The following DCUN1D5 variants were observed in gnomAD, a reference collection of about 807,000 sequenced individuals.
The protein encoded by DCUN1D5 is DCN1-like protein 5.
Under a neutral mutation model 38.3 loss-of-function variants are expected in DCUN1D5, and 10 were observed. The observed-to-expected ratio is 0.26, with a 90% CI of 0.16 to 0.44. DCUN1D5 has a LOEUF of 0.44. Among genes scored for constraint, DCUN1D5 ranks in the 20% least tolerant of loss-of-function variants. The pLI, the probability that DCUN1D5 is intolerant of heterozygous loss-of-function variation, is 1.00. For missense variants in DCUN1D5, 148 were observed against 275.3 expected, an observed-to-expected ratio of 0.54 and a Z score of 3.27; for synonymous variants, 93 against 90.9, an observed-to-expected ratio of 1.02 and a Z score of -0.13.
At position 103,061,070 on chromosome 11, in the gene DCUN1D5, T is replaced by C. The variant is rs187608197; in HGVS notation, c.*1289A>G. ...GGCAATCATTTTTTTCCCAGCTGAT[T>C]AACTAAAAAGCAAACAATAAAACAC... On this transcript the variant is annotated 3_prime_UTR_variant, in exon 8 of 8. Coordinates refer to ENST00000260247, the MANE Select transcript of DCUN1D5 (RefSeq NM_032299.4). Among the ~76,000 whole-genome samples the C allele has an allele frequency of 6.6e-6, 1 of 152,254 alleles. No homozygotes were observed. The highest frequency in any genetic ancestry group is 2.4e-5 in the African/African-American group (1 of 41,558).
rs762571093 is a variant in DCUN1D5 at position 103,051,309 on chromosome 11, A to G, written c.*11050T>C. The G allele has an allele frequency of 7.2e-5, 11 of 152,322 alleles. No individual in the cohort carries two copies. The highest frequency in any genetic ancestry group is 2.1e-4 in the South Asian group (1 of 4,830). The allele number at this position is 152,322 out of a possible 1,614,324, so 9.4% of individuals were successfully genotyped here. On this transcript the variant is annotated 3_prime_UTR_variant, in exon 8 of 8. Coordinates refer to ENST00000260247, the MANE Select transcript of DCUN1D5 (RefSeq NM_032299.4). The stretch of plus-strand genomic sequence containing the variant: ...ACAAATGAACCATCCATCCTTCAGG[A>G]AACTTTTTTAAAAAAAGATTTTCTG...
At position 103,056,517 on chromosome 11, in the gene DCUN1D5, C is replaced by T. The variant is rs114460311; in HGVS notation, c.*5842G>A. Among the ~76,000 whole-genome samples the T allele has an allele frequency of 7.4e-3, 1,131 of 152,252 alleles. 12 individuals carry two copies. The highest frequency in any genetic ancestry group is 0.025 in the African/African-American group (1,049 of 41,550). On this transcript the variant is annotated 3_prime_UTR_variant, in exon 8 of 8. Transcript: ENST00000260247. This position sits in a 1 kb window ranked among gnomAD's most constrained non-coding sequence, Gnocchi z 4.9. ...TGCTACTTAATAGTAATCCTATCCT[C>T]ACACACTCTCTGGGCCCCTTCCTCA...
rs1338928782 is a variant in DCUN1D5 at position 103,078,923 on chromosome 11, C to G, written c.341+3825G>C. On this transcript the variant is annotated intron_variant, in intron 4 of 7. Transcript: ENST00000260247. This position sits in a 1 kb window ranked among gnomAD's most constrained non-coding sequence, Gnocchi z 4.6. ...TTTCATAGTATCTTGTATTTCCACT[C>G]TAGCACATGTCACGTTCTCCTTGGT... Among the ~76,000 whole-genome samples the G allele has an allele frequency of 1.3e-5, 2 of 152,196 alleles. No individual in the cohort carries two copies. The highest frequency in any genetic ancestry group is 2.4e-5 in the African/African-American group (1 of 41,436).
Position 103,054,117 on chromosome 11 carries a change from C to T in DCUN1D5, c.*8242G>A, listed in dbSNP as rs1001026634. The T allele has an allele frequency of 6.6e-6, 1 of 152,176 alleles. No homozygotes were observed. The highest frequency in any genetic ancestry group is 2.1e-4 in the South Asian group (1 of 4,822). The allele number at this position is 152,176 out of a possible 1,614,324, so 9.4% of individuals were successfully genotyped here. A position where few individuals can be genotyped will look rare whatever the true frequency, so the allele number is the denominator to read the frequency against. On this transcript the variant is annotated 3_prime_UTR_variant, in exon 8 of 8. Transcript: ENST00000260247. Reference sequence around the variant, plus strand: ...TTTCATGTCAAACTTCTCAAACTGACGTAAGCCAGATAGAGAGAACCTCCC... The same window carrying T: ...TTTCATGTCAAACTTCTCAAACTGATGTAAGCCAGATAGAGAGAACCTCCC...
In DCUN1D5 at chr11:103,062,282, AT is replaced by A. The variant is rs567049158; in HGVS notation, c.*76del. 2.4e-4 allele frequency: 339 copies of A among 1,413,794 alleles called. No homozygotes were observed. In the East Asian group the frequency reaches 4.3e-3, roughly 18 times the overall value. The allele number at this position is 1,413,794 out of a possible 1,614,324, so 87.6% of individuals were successfully genotyped here. On this transcript the variant is annotated 3_prime_UTR_variant, in exon 8 of 8. Coordinates refer to ENST00000260247, the MANE Select transcript of DCUN1D5 (RefSeq NM_032299.4). This position sits in a 1 kb window ranked among gnomAD's most constrained non-coding sequence, Gnocchi z 4.6. The stretch of plus-strand genomic sequence containing the variant: ...ATATGAATGAAAATGCACCCGTTGG[AT>A]TTTTTTCCCCCTCATCACATTAGCT...
intron 2 of DCUN1D5, among the ~76,000 whole-genome samples, chr11:103,084,982 C>T (rs1426797759): frequency 2.0e-5 from 3 of 150,970 alleles, no homozygotes; most frequent in African/African-American, 7.3e-5. Context: ...AAGGCCCTGT[C>T]TCAAAAAAAA....
At chr11:103,085,214 T>C (rs939729128) in intron 2 of DCUN1D5, among the ~76,000 whole-genome samples, 2 of 152,214 alleles carry the variant, frequency 1.3e-5, no homozygotes, top group East Asian at 1.9e-4. Context: ...CCGAGGCAGA[T>C]GGATTACGAG....
rs1032729306 is a variant in DCUN1D5 at position 103,086,503 on chromosome 11, G to C, written c.178+2724C>G. ...CTCTGCACAAAGTGGTCTCCACAGA[G>C]AGGCCTTCCCTAATCACTCTATCTG... On this transcript the variant is annotated intron_variant, in intron 2 of 7. Transcript: ENST00000260247. This position sits in a 1 kb window ranked among gnomAD's most constrained non-coding sequence, Gnocchi z 4.1. Among the ~76,000 whole-genome samples, 19 of 152,138 alleles carry C rather than the reference G, an allele frequency of 1.2e-4. No individual in the cohort carries two copies. The highest frequency in any genetic ancestry group is 2.5e-4 in the Non-Finnish European group (17 of 68,006).
intron 4 of DCUN1D5, among the ~76,000 whole-genome samples, chr11:103,076,668 C>T (rs990980607): frequency 3.3e-5 from 5 of 152,194 alleles, no homozygotes; most frequent in Admixed American, 6.5e-5. Context: ...TAACCTTTTT[C>T]AGCCTCAGTT....
chr11:103,060,743 T>C lies in DCUN1D5; in HGVS notation c.*1616A>G, dbSNP rs1861991880. ...GATTTTGCTTATATGTTTTGGAATT[T>C]AACAAAAGTGGATATGTTCTTCAGT... On this transcript the variant is annotated 3_prime_UTR_variant, in exon 8 of 8. Transcript: ENST00000260247. Among the ~76,000 whole-genome samples the C allele has an allele frequency of 6.6e-6, 1 of 152,196 alleles. No individual in the cohort carries two copies. Among genetic ancestry groups the C allele is most frequent in the South Asian group, 2.1e-4 (1 of 4,834 alleles).
At chr11:103,074,343 T>TATCGTATCTAAGG (rs1862354628) in intron 4 of DCUN1D5, among the ~76,000 whole-genome samples, 1 of 152,222 alleles carries the variant, frequency 6.6e-6, no homozygotes, top group Non-Finnish European at 1.5e-5. Flanking sequence ...TCTCCTTAGA[T>TATCGTATCTAAGG]ATCGTAGATC....
rs1469055443 is a variant in DCUN1D5 at position 103,078,433 on chromosome 11, C to A, written c.341+4315G>T. ...CATCAAATTTTTGTGTCTAGCAGTACATGTGCCTCTTAATGGGAACGAGGT... is the reference window on the plus strand; with the variant it reads ...CATCAAATTTTTGTGTCTAGCAGTAAATGTGCCTCTTAATGGGAACGAGGT... On this transcript the variant is annotated intron_variant, in intron 4 of 7. Coordinates refer to ENST00000260247, the MANE Select transcript of DCUN1D5 (RefSeq NM_032299.4). The surrounding 1 kb of genome is among the most constrained non-coding windows in gnomAD (Gnocchi z 4.6). Among the ~76,000 whole-genome samples, 1 of 152,172 alleles carries A rather than the reference C, an allele frequency of 6.6e-6. No homozygotes were observed.
rs984802946 is a variant in DCUN1D5, at chr11:103,058,673, A to G, written c.*3686T>C. 6.6e-6 allele frequency among the ~76,000 whole-genome samples: 1 copy of G among 152,136 alleles called. No homozygotes were observed. Among genetic ancestry groups the G allele is most frequent in the African/African-American group, 2.4e-5 (1 of 41,440 alleles). On this transcript the variant is annotated 3_prime_UTR_variant, in exon 8 of 8. Coordinates refer to ENST00000260247, the MANE Select transcript of DCUN1D5 (RefSeq NM_032299.4). ...GTAATAAAACTATATCATTAAAAAA[A>G]GATATAATCCAGAATATTTAATAAT...
rs765927782 is a variant in DCUN1D5, at chr11:103,052,320, T to G, written c.*10039A>C. On this transcript the variant is annotated 3_prime_UTR_variant, in exon 8 of 8. Coordinates refer to ENST00000260247, the MANE Select transcript of DCUN1D5 (RefSeq NM_032299.4). Reference sequence around the variant, plus strand: ...CATTAATTCAGTAAGCAAACTCAATTTGCAGGCCATGAGAGATAAGTAAAA... The same window carrying G: ...CATTAATTCAGTAAGCAAACTCAATGTGCAGGCCATGAGAGATAAGTAAAA... The G allele has an allele frequency of 6.6e-6, 1 of 152,176 alleles. No homozygotes were observed. Among genetic ancestry groups the G allele is most frequent in the Non-Finnish European group, 1.5e-5 (1 of 68,016 alleles). 9.4% of individuals were successfully genotyped at this position (152,176 alleles called of 1,614,324 possible).
rs543065716 is a variant in DCUN1D5, at chr11:103,077,069, G to C, written c.341+5679C>G. Among the ~76,000 whole-genome samples the C allele has an allele frequency of 6.6e-6, 1 of 152,062 alleles. No homozygotes were observed. Among genetic ancestry groups the C allele is most frequent in the East Asian group, 1.9e-4 (1 of 5,168 alleles). ...AAAAAAATTAGCTGGGTGTGGTGGC[G>C]GGTGCCTGTAGTCCCAGCTACTCAG... is the stretch of plus-strand genomic sequence containing the variant. On this transcript the variant is annotated intron_variant, in intron 4 of 7. Coordinates refer to ENST00000260247, the MANE Select transcript of DCUN1D5 (RefSeq NM_032299.4). The surrounding 1 kb of genome is among the most constrained non-coding windows in gnomAD (Gnocchi z 4.3).
intron 4 of DCUN1D5, among the ~76,000 whole-genome samples, chr11:103,076,430 C>A (rs1862408920): frequency 2.6e-5 from 4 of 152,122 alleles, no homozygotes; most frequent in Admixed American, 1.3e-4. Flanking sequence ...AAATATTTTA[C>A]ATTTCATGGG....
At chr11:103,085,944 C>A (rs1263717303) in intron 2 of DCUN1D5, among the ~76,000 whole-genome samples, 1 of 152,118 alleles carries the variant, frequency 6.6e-6, no homozygotes, top group East Asian at 1.9e-4. Flanking sequence ...TTTTCAATTA[C>A]CATAGGCCAG....
Position 103,064,235 on chromosome 11 carries a change from G to T in DCUN1D5, c.658+40C>A. On this transcript the variant is annotated intron_variant, in intron 7 of 7. Coordinates refer to ENST00000260247, the MANE Select transcript of DCUN1D5 (RefSeq NM_032299.4). This position sits in a 1 kb window ranked among gnomAD's most constrained non-coding sequence, Gnocchi z 4.5. ...TGCATACTCTCATTTAATATTTTTG[G>T]AAATTTTGTTTTCAAAGGAACATGT... is the stretch of plus-strand genomic sequence containing the variant. The T allele has an allele frequency of 6.5e-7, 1 of 1,534,536 alleles. No homozygotes were observed. The highest frequency in any genetic ancestry group is 8.9e-7 in the Non-Finnish European group (1 of 1,119,372).
chr11:103,089,721 T>C lies in DCUN1D5; in HGVS notation c.87-403A>G, dbSNP rs1862806201. Among the ~76,000 whole-genome samples the C allele has an allele frequency of 2.0e-5, 3 of 152,178 alleles. No individual in the cohort carries two copies. In the South Asian group the frequency reaches 6.2e-4, roughly 31 times the overall value. On this transcript the variant is annotated intron_variant, in intron 1 of 7. Coordinates refer to ENST00000260247, the MANE Select transcript of DCUN1D5 (RefSeq NM_032299.4). Reference sequence around the variant, plus strand: ...CAAACTCTTACAAAGTATATTTTGATACTTAATGAATCAATATTTCAAAAT... The same window carrying C: ...CAAACTCTTACAAAGTATATTTTGACACTTAATGAATCAATATTTCAAAAT...
Sources: gnomAD v4.1 joint callset for allele counts (sites outside exome capture counted in the v4.1 genomes callset) on GRCh38, gnomAD v4.1.1 for gene constraint, Gnocchi (gnomAD v3.1) non-coding constraint, MANE v1.5 for transcripts, NCBI Gene and HGNC (gene_info 2026-07-23, HGNC 2026-07-21) for gene names.